MAP4K3: variants seen among roughly 807,000 people sequenced by gnomAD.
The protein encoded by MAP4K3 is MAPK/ERK kinase kinase kinase 3.
In MAP4K3, 94 loss-of-function variants were observed where a neutral mutation model predicts 143.5. The ratio of observed to expected loss-of-function variants is 0.65; its 90% CI spans 0.55 to 0.78. The LOEUF (loss-of-function observed/expected upper bound fraction) is 0.78, where lower values mean the gene tolerates loss of function less well. Ranked by LOEUF, MAP4K3 falls within the 30% of genes least tolerant of loss-of-function variation. MAP4K3 has a pLI of 0.00. For synonymous variants in MAP4K3, 416 were observed against 347.2 expected (o/e 1.20, Z -2.20); for missense variants, 1,077 against 1,068.1 (o/e 1.01, Z -0.12).
At chr2:39,427,039 G>A (rs1430016061) in intron 1 of MAP4K3, among the ~76,000 whole-genome samples, 1 of 151,716 alleles carries the variant, frequency 6.6e-6, no homozygotes, top group Non-Finnish European at 1.5e-5. Context: ...GTACACACCA[G>A]AATCAAAGAA....
chr2:39,314,617 A>C (rs1265420718), intron 13 of MAP4K3, among the ~76,000 whole-genome samples: 1 of 152,164 alleles, frequency 6.6e-6, no homozygotes, highest in East Asian at 1.9e-4. Context: ...TCAGAGAATA[A>C]ATGCTTCTAA....
At chr2:39,262,295 C>T (rs960851803) in intron 28 of MAP4K3, among the ~76,000 whole-genome samples, 2 of 152,156 alleles carry the variant, frequency 1.3e-5, no homozygotes, top group Non-Finnish European at 2.9e-5. Context: ...ACCTGCTGTT[C>T]CTACAGTCCT....
chr2:39,321,517 A>G (rs1306442957), intron 12 of MAP4K3, among the ~76,000 whole-genome samples: 1 of 152,140 alleles, frequency 6.6e-6, no homozygotes, highest in East Asian at 1.9e-4. Flanking sequence ...TCCCCATGTG[A>G]TAGTCTGAAA....
intron 3 of MAP4K3, among the ~76,000 whole-genome samples, chr2:39,345,961 A>C (rs1573179957): frequency 1.3e-5 from 2 of 151,530 alleles, no homozygotes; most frequent in South Asian, 4.2e-4. Context: ...GTGAAGCCCA[A>C]AATAAATCTG....
intron 21 of MAP4K3, among the ~76,000 whole-genome samples, chr2:39,284,942 G>C (rs1681704430): frequency 1.3e-5 from 2 of 151,970 alleles, no homozygotes; most frequent in Non-Finnish European, 2.9e-5. Context: ...CCAGGCTGGA[G>C]TGCAGTGGCA....
chr2:39,286,542 T>A (rs1276199953), intron 21 of MAP4K3, among the ~76,000 whole-genome samples: 1 of 152,236 alleles, frequency 6.6e-6, no homozygotes, highest in African/African-American at 2.4e-5. Flanking sequence ...ATAATAATAG[T>A]TATTTTGTGA....
chr2:39,350,908 C>T (rs1055155163), intron 3 of MAP4K3, among the ~76,000 whole-genome samples: 11 of 151,966 alleles, frequency 7.2e-5, no homozygotes, highest in Non-Finnish European at 1.6e-4. Flanking sequence ...TGGGGTTCAA[C>T]CAATCGCAGG....
chr2:39,371,856 T>C (rs1156642560), intron 2 of MAP4K3, among the ~76,000 whole-genome samples: 2 of 151,120 alleles, frequency 1.3e-5, no homozygotes, highest in East Asian at 1.9e-4. Flanking sequence ...CACACACATC[T>C]ATCTATATAC....
In MAP4K3 at chr2:39,435,728, T is replaced by A. The variant is rs555173198; in HGVS notation, c.96+1164A>T. Among the ~76,000 whole-genome samples the A allele has an allele frequency of 2.0e-5, 3 of 152,358 alleles. No homozygotes were observed. In the South Asian group the frequency reaches 6.2e-4, roughly 32 times the overall value. ...TATCGTTTACTGCTACAACCCAAAG[T>A]GCTTACTTGCCAAGTATCTCATACA... On this transcript the variant is annotated intron_variant, in intron 1 of 33. Transcript: ENST00000263881.
chr2:39,411,545 C>T (rs1202718132), intron 1 of MAP4K3, among the ~76,000 whole-genome samples: 1 of 152,186 alleles, frequency 6.6e-6, no homozygotes, highest in Non-Finnish European at 1.5e-5. Context: ...AATGTCTTTG[C>T]TAGACGATTA....
At chr2:39,299,911 A>C in intron 15 of MAP4K3, 110 bp from the exon 16 acceptor site, 1 of 401,802 alleles carries the variant, frequency 2.5e-6, no homozygotes, top group Non-Finnish European at 4.5e-6. Flanking sequence ...AGACCCCCAA[A>C]TAAATCTGTA....
intron 1 of MAP4K3, among the ~76,000 whole-genome samples, chr2:39,382,497 C>T (rs533716115): frequency 6.6e-6 from 1 of 152,352 alleles, no homozygotes; most frequent in South Asian, 2.1e-4. Context: ...TTCCTGACCC[C>T]TCTGCCCACA....
chr2:39,423,918 C>CATA (rs1264603989), intron 1 of MAP4K3, among the ~76,000 whole-genome samples: 2 of 152,142 alleles, frequency 1.3e-5, no homozygotes, highest in African/African-American at 4.8e-5. Flanking sequence ...CTTTAATTAA[C>CATA]ATAATAATAA....
intron 2 of MAP4K3, among the ~76,000 whole-genome samples, chr2:39,372,149 T>C (rs1490840925): frequency 6.6e-6 from 1 of 151,482 alleles, no homozygotes; most frequent in Non-Finnish European, 1.5e-5. Context: ...AAGTGAACAA[T>C]CTGAAAAAGA....
intron 28 of MAP4K3, among the ~76,000 whole-genome samples, chr2:39,263,073 C>G (rs1448376673): frequency 1.3e-5 from 2 of 151,726 alleles, no homozygotes; most frequent in Admixed American, 6.6e-5. Context: ...GCCTGGCCAA[C>G]AGAACCAGAC....
At chr2:39,413,793 G>A (rs1310976268) in intron 1 of MAP4K3, among the ~76,000 whole-genome samples, 1 of 151,594 alleles carries the variant, frequency 6.6e-6, no homozygotes, top group East Asian at 1.9e-4. Context: ...CACCTTGTAG[G>A]TGCTAAGAAC....
At chr2:39,388,070 C>A (rs879818443) in intron 1 of MAP4K3, among the ~76,000 whole-genome samples, 3 of 152,090 alleles carry the variant, frequency 2.0e-5, no homozygotes, top group Non-Finnish European at 4.4e-5. Flanking sequence ...AAAAATGGAC[C>A]TGTTCCATAT....
At chr2:39,430,114 G>T (rs1166992656) in intron 1 of MAP4K3, among the ~76,000 whole-genome samples, 1 of 152,166 alleles carries the variant, frequency 6.6e-6, no homozygotes, top group Non-Finnish European at 1.5e-5. Context: ...AATTTATAAA[G>T]GAAAGAGGTT....
At chr2:39,263,194 T>C (rs1391666253) in intron 28 of MAP4K3, among the ~76,000 whole-genome samples, 1 of 152,044 alleles carries the variant, frequency 6.6e-6, no homozygotes, top group Admixed American at 6.5e-5. Context: ...ATACATCTGA[T>C]TAAGGGTTAT....
Sources: gnomAD v4.1 joint callset for allele counts (sites outside exome capture counted in the v4.1 genomes callset) on GRCh38, gnomAD v4.1.1 for gene constraint, MANE v1.5 for transcripts, NCBI Gene and HGNC (gene_info 2026-07-23, HGNC 2026-07-21) for gene names.